The following TRMT11 variants were observed in gnomAD, a reference collection of about 807,000 sequenced individuals.
The protein encoded by TRMT11 is tRNA (guanine(10)-N(2))-methyltransferase TRMT11.
Under a neutral mutation model 62.8 loss-of-function variants are expected in TRMT11, and 53 were observed. The ratio of observed to expected loss-of-function variants is 0.84; its 90% CI spans 0.68 to 1.06. The LOEUF (loss-of-function observed/expected upper bound fraction) is 1.06, where lower values mean the gene tolerates loss of function less well. TRMT11 is among the 50% of genes least tolerant of loss of function. TRMT11 has a pLI of 0.00. For synonymous variants in TRMT11, 188 were observed against 190.3 expected, an observed-to-expected ratio of 0.99 and a Z score of 0.10; for missense variants, 556 against 553.4, an observed-to-expected ratio of 1.00 and a Z score of -0.05.
At chr6:126,073,422 C>A in intron 17 of TRMT11, among the ~76,000 whole-genome samples, 1 of 152,100 alleles carries the variant, frequency 6.6e-6, no homozygotes, top group South Asian at 2.1e-4. Context: ...ATTGATAATT[C>A]CATTTTTAAT....
chr6:126,270,244 C>T, the TRMT11 span, among the ~76,000 whole-genome samples: 3 of 151,992 alleles, frequency 2.0e-5, no homozygotes, highest in Non-Finnish European at 4.4e-5. Flanking sequence ...AATTCTGAAA[C>T]CCTATTTGTT....
intron 17 of TRMT11, among the ~76,000 whole-genome samples, chr6:126,071,071 A>T (rs932803161): frequency 2.6e-5 from 4 of 152,196 alleles, no homozygotes; most frequent in African/African-American, 9.7e-5. Flanking sequence ...AGTGTCATGT[A>T]TGGCCTTCTT....
chr6:126,159,111 C>G (rs1583893372), intron 21 of TRMT11, among the ~76,000 whole-genome samples: 1 of 152,046 alleles, frequency 6.6e-6, no homozygotes, highest in Non-Finnish European at 1.5e-5. Context: ...CTTGGGACAC[C>G]TGTAATACAC....
At chr6:126,238,588 A>C in the TRMT11 span, among the ~76,000 whole-genome samples, 5 of 151,942 alleles carry the variant, frequency 3.3e-5, no homozygotes, top group East Asian at 7.7e-4. Context: ...GTTTGTTATA[A>C]TTTCTGTTCT....
rs1405377095 is a variant in TRMT11 at position 126,156,475 on chromosome 6, G to A, written c.*1824-18350G>A. Among the ~76,000 whole-genome samples the A allele has an allele frequency of 2.0e-5, 3 of 152,236 alleles. No individual in the cohort carries two copies. In the East Asian group the frequency reaches 5.8e-4, roughly 29 times the overall value. On this transcript the variant is annotated intron_variant and NMD_transcript_variant, in intron 21 of 22. Transcript: ENST00000648977. ...CAAGCCTCCTTCACTCCTGCAGTCT[G>A]TGCACCTGCAGGCTTATCACAAGAA...
chr6:126,091,005 G>A (rs1038468436), intron 17 of TRMT11, among the ~76,000 whole-genome samples: 1 of 152,090 alleles, frequency 6.6e-6, no homozygotes, highest in Non-Finnish European at 1.5e-5. Context: ...GAGGTCAGGC[G>A]TTCGAGACCA....
At chr6:126,135,633 G>A (rs1251919045) in intron 21 of TRMT11, among the ~76,000 whole-genome samples, 2 of 151,604 alleles carry the variant, frequency 1.3e-5, no homozygotes, top group African/African-American at 4.8e-5. Flanking sequence ...CAAATTCATT[G>A]TATACAGCCA....
intron 1 of TRMT11, among the ~76,000 whole-genome samples, chr6:126,190,401 C>G (rs763886655): frequency 3.9e-5 from 6 of 152,234 alleles, no homozygotes; most frequent in Non-Finnish European, 8.8e-5. Context: ...CTTCATTGTT[C>G]TTGCACACAC....
chr6:126,023,451 G>A (rs770141684), intron 12 of TRMT11, among the ~76,000 whole-genome samples: 9 of 152,022 alleles, frequency 5.9e-5, no homozygotes, highest in Middle Eastern at 3.2e-3. Flanking sequence ...AGTTCGAGAC[G>A]TGCCTGGCCA....
chr6:126,051,539 T>C (rs1776218642), intron 16 of TRMT11, among the ~76,000 whole-genome samples: 1 of 152,148 alleles, frequency 6.6e-6, no homozygotes, highest in Non-Finnish European at 1.5e-5. Context: ...TGGTTTGTCA[T>C]GGAGGTAGAT....
rs185641442 is a variant in TRMT11 at position 126,048,200 on chromosome 6, G to A, written c.*1370-4923G>A. Among the ~76,000 whole-genome samples, 358 of 152,302 alleles carry A rather than the reference G, an allele frequency of 2.4e-3. 1 individual carries two copies. The highest frequency in any genetic ancestry group is 4.2e-3 in the Non-Finnish European group (285 of 68,032). On this transcript the variant is annotated intron_variant and NMD_transcript_variant, in intron 16 of 22. Coordinates refer to the TRMT11 transcript ENST00000648977. ...ATGCCTGTTGCTTCTTTCACTGATA[G>A]ATTGGCTAAGCTGAAAACCAGTGCC...
At chr6:126,141,212 C>T (rs943115834) in intron 21 of TRMT11, among the ~76,000 whole-genome samples, 22 of 152,002 alleles carry the variant, frequency 1.4e-4, no homozygotes, top group African/African-American at 5.1e-4. Flanking sequence ...AATTAATTAG[C>T]AGGATAAAGC....
At chr6:126,207,781 G>A (rs1272565186), downstream of TRMT11, among the ~76,000 whole-genome samples, 1 of 152,088 alleles carries the variant, frequency 6.6e-6, no homozygotes, top group Non-Finnish European at 1.5e-5. Context: ...ACACCAAAAG[G>A]CTAAAAACAT....
intron 1 of TRMT11, among the ~76,000 whole-genome samples, chr6:125,988,708 T>G (rs1204303379): frequency 6.6e-6 from 1 of 152,022 alleles, no homozygotes; most frequent in Non-Finnish European, 1.5e-5. Flanking sequence ...AGTAAAACGA[T>G]TGAGTGGAGA....
downstream of TRMT11, among the ~76,000 whole-genome samples, chr6:126,205,559 T>C (rs1778781443): frequency 6.6e-6 from 1 of 152,140 alleles, no homozygotes; most frequent in South Asian, 2.1e-4. Context: ...AGAGAGCATG[T>C]TATTTTAAAG....
At chr6:126,045,947 T>C (rs1776045267) in intron 16 of TRMT11, among the ~76,000 whole-genome samples, 1 of 152,034 alleles carries the variant, frequency 6.6e-6, no homozygotes, top group South Asian at 2.1e-4. Flanking sequence ...TCAGAGAGCA[T>C]TGGCATCTCA....
chr6:126,179,570 T>G, intron 1 of TRMT11, among the ~76,000 whole-genome samples: 1 of 152,278 alleles, frequency 6.6e-6, no homozygotes. Context: ...CATTGTTTAA[T>G]CTTTCATTTC....
chr6:126,034,856 T>C (rs1258654282), intron 12 of TRMT11, among the ~76,000 whole-genome samples: 1 of 152,050 alleles, frequency 6.6e-6, no homozygotes, highest in African/African-American at 2.4e-5. Context: ...GTAAGCACTT[T>C]GGCCTTTGAG....
At chr6:126,181,529 C>T (rs1023281217) in intron 1 of TRMT11, among the ~76,000 whole-genome samples, 20 of 152,204 alleles carry the variant, frequency 1.3e-4, no homozygotes, top group Admixed American at 7.2e-4. Flanking sequence ...CAGATTCCTA[C>T]ATATCAAAGG....
Sources: allele counts gnomAD v4.1 joint callset (sites outside exome capture counted in the v4.1 genomes callset), GRCh38; gene constraint gnomAD v4.1.1; transcripts MANE v1.5; gene names NCBI Gene and HGNC (gene_info 2026-07-23, HGNC 2026-07-21).